BRINP3: variants seen among roughly 807,000 people sequenced by gnomAD.
BRINP3 encodes BMP/retinoic acid inducible neural specific 3.
A neutral mutation model predicts 71.0 loss-of-function variants in BRINP3; 19 were observed. The ratio of observed to expected loss-of-function variants is 0.27; its 90% CI spans 0.19 to 0.39. BRINP3 has a LOEUF of 0.39. BRINP3 is among the 10% of genes least tolerant of loss of function. The pLI is 1.00. For missense variants in BRINP3, 959 were observed against 940.8 expected (o/e 1.02, Z -0.25); for synonymous variants, 380 against 337.7 (o/e 1.13, Z -1.37).
intron 6 of BRINP3, among the ~76,000 whole-genome samples, chr1:190,172,000 C>T (rs1439593039): frequency 6.6e-6 from 1 of 150,500 alleles, no homozygotes; most frequent in Non-Finnish European, 1.5e-5. Flanking sequence ...ACTCAGGAGG[C>T]TGAGGTGAGA....
At chr1:190,396,826 C>T (rs1372046475) in intron 2 of BRINP3, among the ~76,000 whole-genome samples, 3 of 149,118 alleles carry the variant, frequency 2.0e-5, no homozygotes, top group Non-Finnish European at 3.0e-5. Context: ...GGAGAGGGTG[C>T]AAATGGGGAA....
intron 6 of BRINP3, among the ~76,000 whole-genome samples, chr1:190,219,577 C>T (rs1006942843): frequency 2.6e-5 from 4 of 151,950 alleles, no homozygotes; most frequent in African/African-American, 4.8e-5. Flanking sequence ...TGGTGGCTCA[C>T]GCCTGTAATC....
At chr1:190,121,366 G>C (rs1653637024) in intron 7 of BRINP3, among the ~76,000 whole-genome samples, 1 of 151,912 alleles carries the variant, frequency 6.6e-6, no homozygotes, top group South Asian at 2.1e-4. Context: ...AGAACTAAAA[G>C]CACAAACCAA....
chr1:190,396,713 G>GATATATATATAT (rs3077327), intron 2 of BRINP3, among the ~76,000 whole-genome samples: 2,484 of 100,848 alleles, frequency 0.025, 103 homozygotes, highest in East Asian at 0.044. Flanking sequence ...CTAATTTAAT[G>GATATATATATAT]ATATATATAT....
chr1:190,270,116 T>G (rs1474240458), intron 3 of BRINP3, among the ~76,000 whole-genome samples: 1 of 151,850 alleles, frequency 6.6e-6, no homozygotes, highest in Admixed American at 6.6e-5. Flanking sequence ...AAAGGGTAGA[T>G]ACAAGTATAA....
intron 2 of BRINP3, among the ~76,000 whole-genome samples, chr1:190,282,551 T>C (rs1240282802): frequency 1.3e-5 from 2 of 152,026 alleles, no homozygotes; most frequent in African/African-American, 4.8e-5. Flanking sequence ...TTAGGCTTAA[T>C]ACTTCAAAGT....
chr1:190,322,278 T>C (rs1003904750), intron 2 of BRINP3, among the ~76,000 whole-genome samples: 3 of 151,946 alleles, frequency 2.0e-5, no homozygotes, highest in African/African-American at 7.3e-5. Flanking sequence ...TCCTGATAGG[T>C]TTGTGCATCT....
chr1:190,129,176 G>A (rs1268653646), intron 7 of BRINP3, among the ~76,000 whole-genome samples: 1 of 151,688 alleles, frequency 6.6e-6, no homozygotes, highest in African/African-American at 2.4e-5. Flanking sequence ...ATCTAAGAAA[G>A]GATCAAGATT....
At chr1:190,272,203 G>A (rs1662167519) in intron 3 of BRINP3, among the ~76,000 whole-genome samples, 1 of 151,484 alleles carries the variant, frequency 6.6e-6, no homozygotes, top group African/African-American at 2.4e-5. Context: ...AAAATCAGAT[G>A]ATAATATATT....
chr1:190,144,852 C>A (rs1053469049), intron 7 of BRINP3, among the ~76,000 whole-genome samples: 3 of 152,112 alleles, frequency 2.0e-5, no homozygotes, highest in Admixed American at 1.3e-4. Flanking sequence ...CTCCAAGCCC[C>A]ACTGCACCTC....
intron 7 of BRINP3, among the ~76,000 whole-genome samples, chr1:190,145,166 C>A (rs1655781188): frequency 6.6e-6 from 1 of 151,958 alleles, no homozygotes; most frequent in South Asian, 2.1e-4. Context: ...TATATATAAT[C>A]TCTCTCTCTA....
intron 6 of BRINP3, among the ~76,000 whole-genome samples, chr1:190,198,321 C>G (rs992614334): frequency 2.6e-5 from 4 of 152,172 alleles, no homozygotes; most frequent in Admixed American, 2.0e-4. Flanking sequence ...ACATTTGGCT[C>G]TTTGTAACTT....
At chr1:190,443,908 T>C (rs543524413) in intron 2 of BRINP3, among the ~76,000 whole-genome samples, 4 of 152,092 alleles carry the variant, frequency 2.6e-5, no homozygotes, top group East Asian at 1.9e-4. Context: ...ACAGACCTGA[T>C]TGGGAACGTG....
At chr1:190,447,560 G>T (rs979089319) in intron 2 of BRINP3, among the ~76,000 whole-genome samples, 1 of 146,712 alleles carries the variant, frequency 6.8e-6, no homozygotes, top group Non-Finnish European at 1.5e-5. Flanking sequence ...ATATATAAAT[G>T]TACGTACACA....
intron 7 of BRINP3, among the ~76,000 whole-genome samples, chr1:190,105,968 G>T (rs17375192): frequency 6.6e-6 from 1 of 151,696 alleles, no homozygotes; most frequent in Non-Finnish European, 1.5e-5. Flanking sequence ...GTACACATGC[G>T]ATTTTCTATC....
At chr1:190,248,553 C>A (rs907291056) in intron 4 of BRINP3, among the ~76,000 whole-genome samples, 13 of 151,570 alleles carry the variant, frequency 8.6e-5, no homozygotes, top group Admixed American at 4.6e-4. Context: ...TATTTCTATT[C>A]TCCCCTCCTT....
intron 2 of BRINP3, among the ~76,000 whole-genome samples, chr1:190,442,414 A>G (rs1308265729): frequency 1.3e-5 from 2 of 152,172 alleles, no homozygotes; most frequent in East Asian, 3.9e-4. Flanking sequence ...TTAGTTAGCT[A>G]CTAATATCTG....
At chr1:190,219,412 T>C (rs925737824) in intron 6 of BRINP3, among the ~76,000 whole-genome samples, 10 of 151,914 alleles carry the variant, frequency 6.6e-5, no homozygotes, top group African/African-American at 2.4e-4. Context: ...GATATTAAAA[T>C]AATAAAAAAT....
intron 3 of BRINP3, among the ~76,000 whole-genome samples, chr1:190,276,554 GAC>G (rs150589288): frequency 0.012 from 1,736 of 145,462 alleles, 19 homozygotes; most frequent in African/African-American, 0.037. Context: ...TTCTTTAAAA[GAC>G]ACACACACAC....
Sources: allele counts gnomAD v4.1 joint callset (sites outside exome capture counted in the v4.1 genomes callset), GRCh38; gene constraint gnomAD v4.1.1; transcripts MANE v1.5; gene names NCBI Gene and HGNC (gene_info 2026-07-23, HGNC 2026-07-21).